The following MYRIP variants were observed in gnomAD, a reference collection of about 807,000 sequenced individuals.
The protein encoded by MYRIP is rab effector MyRIP.
MYRIP carries 49 observed loss-of-function variants against 98.0 expected under a neutral mutation model. That is an observed-to-expected ratio of 0.50 (90% CI 0.40 to 0.63). MYRIP has a LOEUF of 0.63. Ranked by LOEUF, MYRIP falls within the 30% of genes least tolerant of loss-of-function variation. MYRIP has a pLI of 0.00. For missense variants in MYRIP, 1,004 were observed against 1,058.2 expected (o/e 0.95, Z 0.71); for synonymous variants, 404 against 409.5 (o/e 0.99, Z 0.16).
Position 40,218,629 on chromosome 3 carries a change from TA to T in MYRIP, c.1905+8537del, listed in dbSNP as rs1394965786. 9.2e-3 allele frequency among the ~76,000 whole-genome samples: 209 copies of T among 22,698 alleles called. 3 individuals are homozygous for T. The East Asian group carries it at 0.095, about 10-fold the overall frequency. 14.9% of individuals were successfully genotyped at this position (22,698 alleles called of 152,430 possible). A position where few individuals can be genotyped will look rare whatever the true frequency, so the allele number is the denominator to read the frequency against. On this transcript the variant is annotated intron_variant, in intron 11 of 16. Transcript: ENST00000302541. ...TATATATTTTATATATATATATATA[TA>T]TATATATATATATATATATATATAT...
At chr3:40,171,324 A>C (rs1559432930) in intron 8 of MYRIP, among the ~76,000 whole-genome samples, 1 of 152,160 alleles carries the variant, frequency 6.6e-6, no homozygotes, top group East Asian at 1.9e-4. Context: ...AATTCAGACA[A>C]GGGGCCTTTC....
At chr3:40,106,888 T>A (rs1443122337) in intron 3 of MYRIP, among the ~76,000 whole-genome samples, 1 of 152,140 alleles carries the variant, frequency 6.6e-6, no homozygotes, top group Non-Finnish European at 1.5e-5. Context: ...CTTTCTGGCC[T>A]TTTTTTCATT....
At chr3:40,065,904 G>T (rs1948117344) in intron 3 of MYRIP, among the ~76,000 whole-genome samples, 1 of 152,134 alleles carries the variant, frequency 6.6e-6, no homozygotes, top group African/African-American at 2.4e-5. Flanking sequence ...AAGTCTCAGA[G>T]CCTGGACTAT....
At chr3:39,875,591 G>T (rs932621929) in intron 1 of MYRIP, among the ~76,000 whole-genome samples, 1 of 151,364 alleles carries the variant, frequency 6.6e-6, no homozygotes, top group African/African-American at 2.4e-5. Context: ...CCTTCATTTT[G>T]TTATGTACCC....
intron 1 of MYRIP, among the ~76,000 whole-genome samples, chr3:39,848,173 G>C (rs1312072108): frequency 6.6e-6 from 1 of 152,144 alleles, no homozygotes; most frequent in Admixed American, 6.5e-5. Flanking sequence ...GGAGCCACAC[G>C]GGTGTAGTGT....
chr3:40,200,023 T>C (rs980723500), intron 10 of MYRIP, among the ~76,000 whole-genome samples: 2 of 151,404 alleles, frequency 1.3e-5, no homozygotes, highest in Middle Eastern at 3.4e-3. Flanking sequence ...CTGATTCCCC[T>C]GGAGAAAAAG....
chr3:40,004,207 A>G (rs1453462899), intron 2 of MYRIP, among the ~76,000 whole-genome samples: 2 of 152,164 alleles, frequency 1.3e-5, no homozygotes, highest in Non-Finnish European at 2.9e-5. Flanking sequence ...TGAGGGGCTT[A>G]CACTAGTCCA....
chr3:40,189,196 C>T (rs1440852841), intron 9 of MYRIP, among the ~76,000 whole-genome samples: 5 of 152,340 alleles, frequency 3.3e-5, no homozygotes, highest in South Asian at 2.1e-4. Context: ...TACTTAACTT[C>T]GCTCATCTTC....
rs35017704 is a variant in MYRIP at position 39,890,636 on chromosome 3, A to ATT, written c.-30-10135_-30-10134dup. ...TAGGGGCTGTGGTCCAGGTTAGCTGATTTTTTTTTTTTTTTTTAATATTTG... is the reference window on the plus strand; with the variant it reads ...TAGGGGCTGTGGTCCAGGTTAGCTGATTTTTTTTTTTTTTTTTTTAATATTTG... On this transcript the variant is annotated intron_variant, in intron 1 of 16. Transcript: ENST00000302541. 8.7e-4 allele frequency among the ~76,000 whole-genome samples: 121 copies of ATT among 138,526 alleles called. 2 individuals carry two copies. In the Middle Eastern group the frequency reaches 0.024, roughly 27 times the overall value. 90.9% of individuals were successfully genotyped at this position (138,526 alleles called of 152,430 possible).
chr3:40,060,681 T>C (rs1947994230), intron 3 of MYRIP, among the ~76,000 whole-genome samples: 1 of 150,534 alleles, frequency 6.6e-6, no homozygotes, highest in African/African-American at 2.4e-5. Flanking sequence ...AACCTCCACC[T>C]CCTGGGTTCA....
intron 2 of MYRIP, among the ~76,000 whole-genome samples, chr3:39,999,360 T>G (rs894137258): frequency 6.6e-6 from 1 of 152,030 alleles, no homozygotes; most frequent in African/African-American, 2.4e-5. Flanking sequence ...AACAAGTGGG[T>G]GAAGGATATG....
chr3:39,890,321 C>G (rs566119115), intron 1 of MYRIP, among the ~76,000 whole-genome samples: 1 of 152,088 alleles, frequency 6.6e-6, no homozygotes, highest in Non-Finnish European at 1.5e-5. Context: ...TTCCCCACAA[C>G]TTCCCCAAAT....
chr3:40,077,673 T>C (rs1189813172), intron 3 of MYRIP, among the ~76,000 whole-genome samples: 2 of 152,166 alleles, frequency 1.3e-5, no homozygotes, highest in African/African-American at 4.8e-5. Context: ...ATCCTTGAGC[T>C]AGACATAAAG....
intron 2 of MYRIP, among the ~76,000 whole-genome samples, chr3:39,908,284 A>G (rs1298234994): frequency 6.6e-6 from 1 of 152,152 alleles, no homozygotes; most frequent in Non-Finnish European, 1.5e-5. Context: ...CCCAGCAGCT[A>G]TGATGTGTCA....
At chr3:39,898,022 G>T (rs1323445494) in intron 1 of MYRIP, among the ~76,000 whole-genome samples, 2 of 152,098 alleles carry the variant, frequency 1.3e-5, no homozygotes, top group Non-Finnish European at 2.9e-5. Context: ...TTTAAAGGAA[G>T]AATCAGTCTG....
In MYRIP at chr3:39,826,118, A is replaced by T. The variant is rs555092676; in HGVS notation, c.-31+16202A>T. On this transcript the variant is annotated intron_variant, in intron 1 of 16. Coordinates refer to ENST00000302541, the MANE Select transcript of MYRIP (RefSeq NM_015460.4). Reference sequence around the variant, plus strand: ...TTGTCAATTTTGTTTATATTTTTTTAAAAAAACAATTTTTTGTTATCTATT... The same window carrying T: ...TTGTCAATTTTGTTTATATTTTTTTTAAAAAACAATTTTTTGTTATCTATT... 2.1e-4 allele frequency among the ~76,000 whole-genome samples: 27 copies of T among 128,214 alleles called. No individual in the cohort carries two copies. The East Asian group carries it at 3.8e-3, about 18-fold the overall frequency. 84.1% of individuals were successfully genotyped at this position (128,214 alleles called of 152,430 possible). A position where few individuals can be genotyped will look rare whatever the true frequency, so the allele number is the denominator to read the frequency against.
At chr3:40,125,055 A>G (rs1334371363) in intron 3 of MYRIP, among the ~76,000 whole-genome samples, 1 of 152,166 alleles carries the variant, frequency 6.6e-6, no homozygotes, top group Non-Finnish European at 1.5e-5. Context: ...GGTTGTTGCA[A>G]GGATTGAATA....
intron 10 of MYRIP, among the ~76,000 whole-genome samples, chr3:40,200,826 C>T (rs182216694): frequency 3.3e-5 from 5 of 152,290 alleles, no homozygotes; most frequent in African/African-American, 9.6e-5. Context: ...GCCAGGAAAT[C>T]CTCCTGCTGA....
chr3:40,172,946 C>G (rs1950650106), intron 8 of MYRIP, among the ~76,000 whole-genome samples: 1 of 152,128 alleles, frequency 6.6e-6, no homozygotes, highest in Non-Finnish European at 1.5e-5. Flanking sequence ...CTAAAGAGAC[C>G]TCACCCCCCA....
Sources: allele counts gnomAD v4.1 joint callset (sites outside exome capture counted in the v4.1 genomes callset), GRCh38; gene constraint gnomAD v4.1.1; transcripts MANE v1.5; gene names NCBI Gene and HGNC (gene_info 2026-07-23, HGNC 2026-07-21).